RSRC2: variants seen among roughly 807,000 people sequenced by gnomAD.
RSRC2 encodes the protein arginine/serine-rich coiled-coil protein 2.
Under a neutral mutation model 61.3 loss-of-function variants are expected in RSRC2, and 5 were observed. The ratio of observed to expected loss-of-function variants is 0.08; its 90% CI spans 0.04 to 0.17. The LOEUF is 0.17. Ranked by LOEUF, RSRC2 falls within the 10% of genes least tolerant of loss-of-function variation. The pLI is 1.00. For synonymous variants in RSRC2, 202 were observed against 166.5 expected, an observed-to-expected ratio of 1.21 and a Z score of -1.64; for missense variants, 381 against 518.8, an observed-to-expected ratio of 0.73 and a Z score of 2.58.
intron 7 of RSRC2, 77 bp downstream of exon 7, chr12:122,511,030 CAG>C (rs1958467961): frequency 1.4e-5 from 14 of 1,035,868 alleles, no homozygotes; most frequent in African/African-American, 1.1e-4. Flanking sequence ...GTCAGAATGA[CAG>C]AGCAAATCCC....
In RSRC2 at chr12:122,518,956, G is replaced by T. The variant is rs780190058; in HGVS notation, c.281C>A (p.Ser94Tyr). ...KSEEHNDKEH[S>Y]SDKGRERLNS... ...TAGTCGCTCTCTTCCTTTATCAGAA[G>T]AATGTTCTTTGTCATTATGTTCCTC... Residue 94 changes from serine to tyrosine, a missense_variant, in exon 4 of 10, where the codon TCT becomes TAT. By Grantham distance (144) the Ser-to-Tyr change is moderately radical. Transcript: ENST00000331738. The T allele has an allele frequency of 6.2e-6, 10 of 1,613,520 alleles. No homozygotes were observed. Among genetic ancestry groups the T allele is most frequent in the South Asian group, 2.2e-5 (2 of 91,082 alleles).
At chr12:122,508,800 T>C (rs1958287232) in intron 7 of RSRC2, among the ~76,000 whole-genome samples, 1 of 151,276 alleles carries the variant, frequency 6.6e-6, no homozygotes, top group South Asian at 2.1e-4. Context: ...CTACCAAAAA[T>C]ACAAAATTAG....
At chr12:122,512,846 G>A (rs1208667717) in intron 6 of RSRC2, among the ~76,000 whole-genome samples, 1 of 151,730 alleles carries the variant, frequency 6.6e-6, no homozygotes, top group Non-Finnish European at 1.5e-5. Context: ...GCATAACATA[G>A]ACTTGACTTT....
At chr12:122,515,007 T>C (rs561126339) in intron 6 of RSRC2, 98 bp downstream of exon 6, 3 of 1,295,698 alleles carry the variant, frequency 2.3e-6, no homozygotes, top group South Asian at 1.3e-5. Flanking sequence ...TACTAAAGTA[T>C]GTGAATCATT....
At chr12:122,519,231 T>C in intron 3 of RSRC2, 2 of 517,084 alleles carry the variant, frequency 3.9e-6, no homozygotes, top group Non-Finnish European at 6.9e-6. Context: ...CAAAATGTAG[T>C]TCCTCCCCAA....
intron 7 of RSRC2, among the ~76,000 whole-genome samples, chr12:122,510,516 G>C (rs1423382348): frequency 6.6e-6 from 1 of 151,290 alleles, no homozygotes; most frequent in Non-Finnish European, 1.5e-5. Flanking sequence ...GCGATGGAGC[G>C]AGACTCCGTA....
At chr12:122,512,907 C>T (rs974427081) in intron 6 of RSRC2, among the ~76,000 whole-genome samples, 4 of 151,836 alleles carry the variant, frequency 2.6e-5, no homozygotes, top group African/African-American at 4.8e-5. Context: ...AAATGTAGGT[C>T]GCAGGCTTGG....
At position 122,522,151 on chromosome 12, in the gene RSRC2, C is replaced by T. The variant is rs1189494049; in HGVS notation, c.155G>A (p.Arg52Gln). Residue 52 changes from arginine (R) to glutamine (Q), a missense_variant, in exon 2 of 10, where the codon CGA (arginine) becomes CAA (glutamine). Physicochemically the swap from Arg to Gln is conservative, Grantham distance 43. Transcript: ENST00000331738. ...RSRSRSRERK[R>Q]KSDNEGRKHR... is the part of the protein sequence containing the mutation. ...CCTTTAAGAATTCATACCTGACTTTCGTTTTCTTTCTCTTGACCTTGATCG... is the reference window on the plus strand; with the variant it reads ...CCTTTAAGAATTCATACCTGACTTTTGTTTTCTTTCTCTTGACCTTGATCG... 3.1e-6 allele frequency: 5 copies of T among 1,610,310 alleles called. No homozygotes were observed. In the South Asian group the frequency reaches 3.3e-5, roughly 11 times the overall value.
intron 1 of RSRC2, among the ~76,000 whole-genome samples, chr12:122,522,629 T>C (rs1401741890): frequency 1.3e-5 from 2 of 152,220 alleles, no homozygotes. Context: ...GAGAAAATAG[T>C]CCTTTTTAGA....
At chr12:122,525,805 T>G (rs76178471) in intron 1 of RSRC2, among the ~76,000 whole-genome samples, 1 of 5,626 alleles carries the variant, frequency 1.8e-4, no homozygotes, top group South Asian at 8.6e-3. Flanking sequence ...CGAAGAGTTT[T>G]TTTTTTTTTT....
intron 7 of RSRC2, 58 bp from the exon 8 acceptor site, chr12:122,508,505 G>C (rs1430214854): frequency 2.3e-6 from 3 of 1,306,356 alleles, no homozygotes; most frequent in Non-Finnish European, 3.2e-6. Flanking sequence ...TAAACCTCCT[G>C]ATTTACATTA....
At chr12:122,506,766 A>G in intron 9 of RSRC2, 68 bp downstream of exon 9, 1 of 934,034 alleles carries the variant, frequency 1.1e-6, no homozygotes, top group Non-Finnish European at 1.7e-6. Context: ...AACTAAGAAA[A>G]TGAGGGAAGA....
At chr12:122,521,288 G>T in intron 3 of RSRC2, 97 bp downstream of exon 3, 2 of 873,150 alleles carry the variant, frequency 2.3e-6, no homozygotes, top group South Asian at 1.6e-5. Context: ...TTCAAGTTTT[G>T]TACTTACCTT....
chr12:122,512,991 G>C (rs193013004), intron 6 of RSRC2, among the ~76,000 whole-genome samples: 2 of 151,802 alleles, frequency 1.3e-5, no homozygotes, highest in African/African-American at 4.8e-5. Flanking sequence ...CCAGCAGTTC[G>C]AGACCAGCTT....
At position 122,517,252 on chromosome 12, in the gene RSRC2, T is replaced by A. The variant is rs773232670; in HGVS notation, c.577A>T (p.Arg193Trp). 6 of 1,614,068 alleles carry A rather than the reference T, an allele frequency of 3.7e-6. No homozygotes were observed. Among genetic ancestry groups the A allele is most frequent in the Non-Finnish European group, 5.1e-6 (6 of 1,180,040 alleles). The change falls in exon 5 of 10, where the codon AGG (arginine) becomes TGG (tryptophan). Residue 193 changes from arginine to tryptophan, a missense_variant. Physicochemically the swap from Arg to Trp is moderately radical, Grantham distance 101. Transcript: ENST00000331738. ...CGACTCCTACTCCTTGTCCTACTCC[T>A]GCTTCTAGTCCTATGCCTGTGTCTT... ...RSRHRHRTRS[R>W]SRTRSRSRDR...
In RSRC2 at chr12:122,505,679, C is replaced by G; in HGVS notation, c.1153G>C (p.Val385Leu). ...KSEDEAGCSS[V>L]DEESYKTLKQ... ...AGAGTCTTGTAACTTTCTTCATCAACTGAGCTACATCCAGCTTCATCTTCA... is the reference window on the plus strand; with the variant it reads ...AGAGTCTTGTAACTTTCTTCATCAAGTGAGCTACATCCAGCTTCATCTTCA... The change falls in exon 10 of 10, where the codon GTT (valine) becomes CTT (leucine). Residue 385 changes from valine (V) to leucine (L), a missense_variant. Physicochemically the swap from Val to Leu is conservative, Grantham distance 32. Coordinates refer to ENST00000331738, the MANE Select transcript of RSRC2 (RefSeq NM_023012.6). 6.2e-7 allele frequency: 1 copy of G among 1,614,032 alleles called. No individual in the cohort carries two copies. Among genetic ancestry groups the G allele is most frequent in the Non-Finnish European group, 8.5e-7 (1 of 1,179,952 alleles).
rs1454376516 is a variant in RSRC2 at position 122,518,993 on chromosome 12, T to G, written c.244A>C (p.Lys82Gln). The G allele has an allele frequency of 6.2e-7, 1 of 1,613,818 alleles. No homozygotes were observed. Among genetic ancestry groups the G allele is most frequent in the Non-Finnish European group, 8.5e-7 (1 of 1,179,884 alleles). Residue 82 changes from lysine to glutamine, a missense_variant, in exon 4 of 10, where the codon AAA becomes CAA. Physicochemically the swap from Lys to Gln is moderately conservative, Grantham distance 53. This residue lies in a region of RSRC2 where 266 missense variants were observed against 270.5 expected (regional missense o/e 0.98). Coordinates refer to ENST00000331738, the MANE Select transcript of RSRC2 (RefSeq NM_023012.6). ...TCATTATGTTCCTCAGACTTATGTTTCTTAGAGGATTTATCTTTGGATTCA... is the reference window on the plus strand; with the variant it reads ...TCATTATGTTCCTCAGACTTATGTTGCTTAGAGGATTTATCTTTGGATTCA... ...RHESKDKSSK[K>Q]HKSEEHNDKE... is the part of the protein sequence containing the mutation.
intron 8 of RSRC2, chr12:122,507,125 C>T (rs780243728): frequency 1.7e-6 from 1 of 580,368 alleles, no homozygotes; most frequent in Non-Finnish European, 3.1e-6. Flanking sequence ...CTCCTATAAT[C>T]CCAGCACTTT....
chr12:122,508,341 A>G lies in RSRC2; in HGVS notation c.912T>C (p.Ala304=), dbSNP rs1291440744. The G allele has an allele frequency of 1.2e-6, 2 of 1,614,134 alleles. No individual in the cohort carries two copies. Among genetic ancestry groups the G allele is most frequent in the Admixed American group, 3.3e-5 (2 of 60,004 alleles). ...AMAAQMAALQ[A]KALAETGIAV... is the part of the protein sequence containing the mutation. ...CTATTCCTGTCTCTGCCAAAGCTTT[A>G]GCTTGCAGGGCTGCCATCTGAGCTG... The change falls in exon 8 of 10, where the codon GCT becomes GCC. Residue 304 remains alanine, a synonymous_variant. Coordinates refer to ENST00000331738, the MANE Select transcript of RSRC2 (RefSeq NM_023012.6).
Sources: allele counts gnomAD v4.1 joint callset (sites outside exome capture counted in the v4.1 genomes callset), GRCh38; gene constraint gnomAD v4.1.1; regional missense constraint gnomAD v4.1.1; transcripts MANE v1.5; gene names NCBI Gene and HGNC (gene_info 2026-07-23, HGNC 2026-07-21).